ACACA: variants seen among roughly 807,000 people sequenced by gnomAD.
ACACA encodes acetyl-CoA carboxylase alpha.
A neutral mutation model predicts 296.1 loss-of-function variants in ACACA; 103 were observed. The observed-to-expected ratio is 0.35, with a 90% CI of 0.30 to 0.41. The LOEUF (loss-of-function observed/expected upper bound fraction) is 0.41, where lower values mean the gene tolerates loss of function less well. Ranked by LOEUF, ACACA falls within the 10% of genes least tolerant of loss-of-function variation. The pLI is 1.00. For synonymous variants in ACACA, 953 were observed against 1,038.6 expected, an observed-to-expected ratio of 0.92 and a Z score of 1.58; for missense variants, 1,554 against 2,989.7, an observed-to-expected ratio of 0.52 and a Z score of 11.20.
intron 3 of ACACA, among the ~76,000 whole-genome samples, chr17:37,307,917 A>ATTC (rs1026424513): frequency 6.7e-6 from 1 of 149,294 alleles, no homozygotes; most frequent in Admixed American, 6.8e-5. Context: ...ATATTTTAAT[A>ATTC]TTCTTCTTCA....
At chr17:37,379,221 T>G (rs2050138044) in intron 1 of ACACA, 6 of 1,613,996 alleles carry the variant, frequency 3.7e-6, no homozygotes, top group Non-Finnish European at 5.1e-6. Context: ...GACAGCAAAG[T>G]AAAAGTCAAC....
chr17:37,116,501 C>T (rs1475134040), intron 50 of ACACA, among the ~76,000 whole-genome samples: 4 of 152,150 alleles, frequency 2.6e-5, no homozygotes, highest in African/African-American at 9.7e-5. Context: ...GATCTGACTG[C>T]CAAACAAGTA....
At chr17:37,395,936 T>G (rs1396771066) in intron 1 of ACACA, among the ~76,000 whole-genome samples, 1 of 152,228 alleles carries the variant, frequency 6.6e-6, no homozygotes, top group Non-Finnish European at 1.5e-5. Flanking sequence ...AGAAGGTACA[T>G]TCACAAAAAC....
At chr17:37,269,829 A>G (rs1347683589) in intron 10 of ACACA, among the ~76,000 whole-genome samples, 1 of 151,986 alleles carries the variant, frequency 6.6e-6, no homozygotes, top group African/African-American at 2.4e-5. Context: ...AAAGTAGAAG[A>G]TGATGAGGAA....
chr17:37,298,119 A>G (rs1332927134), intron 3 of ACACA, among the ~76,000 whole-genome samples: 1 of 152,054 alleles, frequency 6.6e-6, no homozygotes. Flanking sequence ...CACTGCACTC[A>G]GCTATATTGT....
At chr17:37,256,894 TACAA>T (rs1248476333) in intron 14 of ACACA, among the ~76,000 whole-genome samples, 1 of 152,104 alleles carries the variant, frequency 6.6e-6, no homozygotes, top group Non-Finnish European at 1.5e-5. Flanking sequence ...CCATGTACAG[TACAA>T]AGGTAAAGGG....
chr17:37,117,266 A>C (rs143294301), intron 50 of ACACA, among the ~76,000 whole-genome samples: 6 of 152,232 alleles, frequency 3.9e-5, no homozygotes, highest in African/African-American at 1.4e-4. Flanking sequence ...CTACATATAC[A>C]TAATGTCTCT....
chr17:37,381,910 A>G (rs867950008), intron 1 of ACACA, among the ~76,000 whole-genome samples: 2 of 152,052 alleles, frequency 1.3e-5, no homozygotes, highest in East Asian at 3.8e-4. Context: ...TACAGGCGTG[A>G]GCCACTGCAC....
intron 2 of ACACA, among the ~76,000 whole-genome samples, chr17:37,332,916 A>G (rs867000992): frequency 0.018 from 2,689 of 151,970 alleles, 85 homozygotes; most frequent in African/African-American, 0.062. Context: ...TCTAGAAAAA[A>G]AAAAAAAAAA....
At chr17:37,217,122 G>A (rs567686840) in intron 29 of ACACA, among the ~76,000 whole-genome samples, 2 of 151,930 alleles carry the variant, frequency 1.3e-5, no homozygotes, top group South Asian at 4.2e-4. Flanking sequence ...TTAGTGGGGT[G>A]TGGTGGTGTA....
intron 54 of ACACA, among the ~76,000 whole-genome samples, chr17:37,094,227 A>G (rs753139141): frequency 5.9e-5 from 9 of 152,184 alleles, no homozygotes; most frequent in Non-Finnish European, 1.2e-4. Context: ...CTACAGTAGG[A>G]TCGTCCCAGT....
intron 1 of ACACA, among the ~76,000 whole-genome samples, chr17:37,341,426 C>G (rs927805447): frequency 6.6e-6 from 1 of 152,122 alleles, no homozygotes; most frequent in Non-Finnish European, 1.5e-5. Flanking sequence ...TGTGGTGGCT[C>G]ACACCTGTAA....
intron 3 of ACACA, among the ~76,000 whole-genome samples, chr17:37,308,207 T>G (rs1177922906): frequency 6.6e-6 from 1 of 152,206 alleles, no homozygotes; most frequent in East Asian, 1.9e-4. Context: ...GATATATTTC[T>G]AAACAATTTA....
At chr17:37,200,572 G>A in intron 33 of ACACA, 89 bp from the exon 34 acceptor site, 1 of 1,210,990 alleles carries the variant, frequency 8.3e-7, no homozygotes, top group East Asian at 2.5e-5. Context: ...AGGCTTTGGT[G>A]GAGTTAAACA....
At chr17:37,131,958 C>CCT (rs2075119245) in intron 45 of ACACA, among the ~76,000 whole-genome samples, 1 of 152,200 alleles carries the variant, frequency 6.6e-6, no homozygotes, top group Non-Finnish European at 1.5e-5. Flanking sequence ...CTCCCATCCG[C>CCT]CTCTCAGTCC....
intron 50 of ACACA, among the ~76,000 whole-genome samples, chr17:37,116,796 C>T (rs1041706074): frequency 1.3e-5 from 2 of 152,166 alleles, no homozygotes; most frequent in Admixed American, 6.5e-5. Context: ...GAAATCCCTT[C>T]GTATTTAAGA....
chr17:37,155,765 A>G lies in ACACA; in HGVS notation c.5365T>C (p.Tyr1789His). Residue 1789 changes from tyrosine to histidine, a missense_variant, in exon 43 of 56, where the codon TAT (tyrosine) becomes CAT (histidine). Coordinates refer to ENST00000616317, the MANE Select transcript of ACACA (RefSeq NM_198834.3). ...EDPYKGYRYL[Y>H]LTPQDYKRVS... The stretch of plus-strand genomic sequence containing the variant: ...CTCTTATAATCTTGAGGAGTCAGAT[A>G]TAAATACCTGTATCCCTGTGAAGCA... The G allele has an allele frequency of 6.2e-7, 1 of 1,606,230 alleles. No homozygotes were observed.
chr17:37,372,269 C>G (rs935285014), intron 1 of ACACA, among the ~76,000 whole-genome samples: 7 of 151,896 alleles, frequency 4.6e-5, no homozygotes, highest in Admixed American at 6.6e-5. Context: ...AAAAATTAGC[C>G]AAGCGTGGTG....
intron 46 of ACACA, 58 bp downstream of exon 46, chr17:37,130,017 C>T (rs2075013713): frequency 6.2e-7 from 1 of 1,602,430 alleles, no homozygotes; most frequent in South Asian, 1.1e-5. Flanking sequence ...AGGCAGTGAG[C>T]TGTGGTGGAA....
Sources: allele counts gnomAD v4.1 joint callset (sites outside exome capture counted in the v4.1 genomes callset), GRCh38; gene constraint gnomAD v4.1.1; transcripts MANE v1.5; gene names NCBI Gene and HGNC (gene_info 2026-07-23, HGNC 2026-07-21).